HNF4G: variants seen among roughly 807,000 people sequenced by gnomAD.
The protein encoded by HNF4G is hepatocyte nuclear factor 4 gamma, also known as hepatocyte nuclear factor 4-gamma.
In HNF4G, 21 loss-of-function variants were observed where a neutral mutation model predicts 50.9. The ratio of observed to expected loss-of-function variants is 0.41; its 90% CI spans 0.29 to 0.59. The LOEUF is 0.59. HNF4G is among the 20% of genes least tolerant of loss of function. The probability of loss-of-function intolerance (pLI) is 0.26; values close to 1 mark genes in which losing one functional copy is unlikely to be tolerated. For synonymous variants in HNF4G, 198 were observed against 185.6 expected, an observed-to-expected ratio of 1.07 and a Z score of -0.54; for missense variants, 527 against 559.4, an observed-to-expected ratio of 0.94 and a Z score of 0.58.
At chr8:75,470,010 A>G (rs4335113) in intron 1 of HNF4G, among the ~76,000 whole-genome samples, 7,606 of 152,110 alleles carry the variant, frequency 0.05, 276 homozygotes, top group African/African-American at 0.091. Flanking sequence ...CACCACTCAA[A>G]CTACATGGAA....
At chr8:75,551,567 A>G in intron 4 of HNF4G, 73 bp downstream of exon 4, 1 of 880,550 alleles carries the variant, frequency 1.1e-6, no homozygotes, top group South Asian at 1.4e-5. Flanking sequence ...TGCTAAAATA[A>G]TCTAAGTTTT....
chr8:75,497,026 G>A (rs928606060), intron 2 of HNF4G, among the ~76,000 whole-genome samples: 6 of 151,950 alleles, frequency 3.9e-5, no homozygotes, highest in South Asian at 2.1e-4. Context: ...GAAAAACCTA[G>A]TTGAGTAGGG....
Position 75,478,091 on chromosome 8 carries a change from C to G in HNF4G, c.-143-11998C>G, listed in dbSNP as rs372896698. On this transcript the variant is annotated intron_variant, in intron 1 of 10. Coordinates refer to the HNF4G transcript ENST00000354370. ...CGTTGGGAGGCCGAGGCAGGCGGATCGCCTGAGCTCAGGAGATCGAGACAA... is the reference window on the plus strand; with the variant it reads ...CGTTGGGAGGCCGAGGCAGGCGGATGGCCTGAGCTCAGGAGATCGAGACAA... Among the ~76,000 whole-genome samples, 929 of 152,282 alleles carry G rather than the reference C, an allele frequency of 6.1e-3. 6 individuals are homozygous for G. The highest frequency in any genetic ancestry group is 0.022 in the South Asian group (108 of 4,812).
intron 1 of HNF4G, among the ~76,000 whole-genome samples, chr8:75,473,491 G>A (rs1191007434): frequency 6.6e-6 from 1 of 152,156 alleles, no homozygotes; most frequent in Non-Finnish European, 1.5e-5. Flanking sequence ...GTTTGAGGCA[G>A]GCATGTGAAT....
chr8:75,486,995 G>T (rs536273440), intron 1 of HNF4G, among the ~76,000 whole-genome samples: 1 of 151,988 alleles, frequency 6.6e-6, no homozygotes, highest in African/African-American at 2.4e-5. Flanking sequence ...GACAGAGCGA[G>T]ACCCTGTCTA....
intron 1 of HNF4G, among the ~76,000 whole-genome samples, chr8:75,461,975 T>G (rs1413722159): frequency 2.0e-5 from 3 of 150,348 alleles, no homozygotes; most frequent in Non-Finnish European, 4.4e-5. Flanking sequence ...TGGAGTGCAG[T>G]GGTGCCATCT....
chr8:75,536,985 A>T (rs1052644254), upstream of HNF4G, among the ~76,000 whole-genome samples: 2 of 152,186 alleles, frequency 1.3e-5, no homozygotes, highest in African/African-American at 4.8e-5. Flanking sequence ...ATCTCAAGTT[A>T]AAATCAATAT....
chr8:75,461,211 C>T (rs1441941572), intron 1 of HNF4G, among the ~76,000 whole-genome samples: 2 of 152,148 alleles, frequency 1.3e-5, no homozygotes, highest in Non-Finnish European at 2.9e-5. Context: ...AGGGGTTTTA[C>T]TGGGCTAAAA....
intron 1 of HNF4G, among the ~76,000 whole-genome samples, chr8:75,411,002 C>G (rs551477256): frequency 6.6e-6 from 1 of 152,230 alleles, no homozygotes; most frequent in Admixed American, 6.5e-5. Context: ...ATTTATATGC[C>G]TTTTGCTTTT....
At chr8:75,551,618 C>G (rs1055308757) in intron 4 of HNF4G, 124 bp downstream of exon 4, 1 of 554,094 alleles carries the variant, frequency 1.8e-6, no homozygotes, top group East Asian at 2.9e-5. Context: ...CATCTACACA[C>G]AATTAAGAGT....
chr8:75,517,043 C>CT (rs1805905229), intron 2 of HNF4G, among the ~76,000 whole-genome samples: 1 of 152,154 alleles, frequency 6.6e-6, no homozygotes. Context: ...AAAGGCACAT[C>CT]TCACGTGGTG....
chr8:75,536,407 A>G (rs1806465454), upstream of HNF4G, among the ~76,000 whole-genome samples: 1 of 151,952 alleles, frequency 6.6e-6, no homozygotes, highest in Non-Finnish European at 1.5e-5. Context: ...TTATTTAAGG[A>G]TAATTTTCTT....
At chr8:75,538,009 G>T (rs1021869352), upstream of HNF4G, among the ~76,000 whole-genome samples, 8 of 152,068 alleles carry the variant, frequency 5.3e-5, no homozygotes, top group African/African-American at 1.4e-4. Flanking sequence ...TAAAGAAACC[G>T]CTTCTTTTGC....
At chr8:75,460,751 G>A (rs1302181587) in intron 1 of HNF4G, among the ~76,000 whole-genome samples, 1 of 152,166 alleles carries the variant, frequency 6.6e-6, no homozygotes, top group African/African-American at 2.4e-5. Context: ...AGATATTAAA[G>A]GAGTGGAGCG....
chr8:75,511,416 C>G (rs923989258), intron 2 of HNF4G, among the ~76,000 whole-genome samples: 2 of 152,084 alleles, frequency 1.3e-5, no homozygotes, highest in African/African-American at 4.8e-5. Context: ...TTATCCTGGC[C>G]TCCTTGGGCC....
At chr8:75,494,829 ATATT>A (rs1453936442) in intron 2 of HNF4G, among the ~76,000 whole-genome samples, 9 of 152,188 alleles carry the variant, frequency 5.9e-5, no homozygotes, top group East Asian at 1.9e-4. Flanking sequence ...ATAGAAAAAT[ATATT>A]TATTTAACAA....
intron 2 of HNF4G, among the ~76,000 whole-genome samples, chr8:75,524,916 T>C (rs1242579012): frequency 6.6e-6 from 1 of 152,216 alleles, no homozygotes; most frequent in East Asian, 1.9e-4. Flanking sequence ...GGCAAACTTT[T>C]ACATTTGCAG....
intron 1 of HNF4G, among the ~76,000 whole-genome samples, chr8:75,472,382 A>T (rs1812135486): frequency 6.6e-6 from 1 of 152,168 alleles, no homozygotes; most frequent in Admixed American, 6.5e-5. Flanking sequence ...ATCTCCATTG[A>T]ATCCTGTAAA....
chr8:75,547,121 A>G (rs1806803513), intron 2 of HNF4G, among the ~76,000 whole-genome samples: 1 of 152,140 alleles, frequency 6.6e-6, no homozygotes, highest in Non-Finnish European at 1.5e-5. Flanking sequence ...ACCTCTTAAT[A>G]GATAATTTGC....
Sources: gnomAD v4.1 joint callset for allele counts (sites outside exome capture counted in the v4.1 genomes callset) on GRCh38, gnomAD v4.1.1 for gene constraint, MANE v1.5 for transcripts, NCBI Gene and HGNC (gene_info 2026-07-23, HGNC 2026-07-21) for gene names.